ARMH1: variants seen among roughly 807,000 people sequenced by gnomAD.
ARMH1 encodes the protein armadillo-like helical domain containing protein 1.
Under a neutral mutation model 50.2 loss-of-function variants are expected in ARMH1, and 34 were observed. That is an observed-to-expected ratio of 0.68 (90% CI 0.51 to 0.90). ARMH1 has a LOEUF of 0.90. Among genes scored for constraint, ARMH1 ranks in the 40% least tolerant of loss-of-function variants. ARMH1 has a pLI of 0.00. For synonymous variants in ARMH1, 221 were observed against 224.2 expected, an observed-to-expected ratio of 0.99 and a Z score of 0.13; for missense variants, 538 against 553.9, an observed-to-expected ratio of 0.97 and a Z score of 0.29.
chr1:44,689,623 G>C, intron 1 of ARMH1, 53 bp from the exon 2 acceptor site: 2 of 1,355,368 alleles, frequency 1.5e-6, no homozygotes. Context: ...AAATAATGGA[G>C]TTGCATGATT....
chr1:44,724,072 G>A lies in ARMH1; in HGVS notation c.725-50G>A, dbSNP rs544735608. ...GGTTCACGGGGTTCTTTGCTTCCTC[G>A]GTGGCGGAGGGGCCTGGGGCCTCTC... On this transcript the variant is annotated intron_variant, in intron 6 of 11. Transcript: ENST00000535358. The surrounding 1 kb of genome is among the most constrained non-coding windows in gnomAD (Gnocchi z 6.4). 7 of 1,527,980 alleles carry A rather than the reference G, an allele frequency of 4.6e-6. No individual in the cohort carries two copies. In the African/African-American group the frequency reaches 5.5e-5, roughly 12 times the overall value. The allele number at this position is 1,527,980 out of a possible 1,614,324, so 94.7% of individuals were successfully genotyped here. A position where few individuals can be genotyped will look rare whatever the true frequency, so the allele number is the denominator to read the frequency against.
chr1:44,695,452 T>C (rs1340968740), intron 2 of ARMH1, among the ~76,000 whole-genome samples: 2 of 152,188 alleles, frequency 1.3e-5, no homozygotes, highest in Admixed American at 1.3e-4. Flanking sequence ...TGGAACTAAT[T>C]CCTGGAAATA....
intron 2 of ARMH1, among the ~76,000 whole-genome samples, chr1:44,690,747 C>T (rs1007130408): frequency 2.0e-5 from 3 of 152,086 alleles, no homozygotes; most frequent in African/African-American, 7.2e-5. Flanking sequence ...GGCACAATCT[C>T]AGCTCACCGC....
Position 44,725,200 on chromosome 1 carries a change from C to T in ARMH1, c.1193C>T (p.Thr398Ile). The change falls in exon 11 of 12, where the codon ACA becomes ATA. Residue 398 changes from threonine to isoleucine, a missense_variant. By Grantham distance (89) the Thr-to-Ile change is moderately conservative. Transcript: ENST00000535358. The stretch of plus-strand genomic sequence containing the variant: ...CAGGCGGACATCTTGGCGGCCAACA[C>T]AGTCAATGTTACCAAAGGTGAGTGT... The part of the protein sequence containing the change: ...SIQADILAAN[T>I]VNVTKALCLH... 8 of 1,552,006 alleles carry T rather than the reference C, an allele frequency of 5.2e-6. No homozygotes were observed. Among genetic ancestry groups the T allele is most frequent in the Non-Finnish European group, 7.0e-6 (8 of 1,147,046 alleles).
At chr1:44,676,381 T>A (rs1267999200) in intron 1 of ARMH1, among the ~76,000 whole-genome samples, 1 of 152,126 alleles carries the variant, frequency 6.6e-6, no homozygotes, top group African/African-American at 2.4e-5. Flanking sequence ...CTATGGGGCC[T>A]TATAGATGCC....
At chr1:44,705,124 C>T (rs1242678742) in intron 6 of ARMH1, among the ~76,000 whole-genome samples, 6 of 151,428 alleles carry the variant, frequency 4.0e-5, no homozygotes, top group South Asian at 2.1e-4. Flanking sequence ...CATGAGCCAC[C>T]GCACCCGGCC....
intron 6 of ARMH1, among the ~76,000 whole-genome samples, chr1:44,712,666 T>TAC (rs1162154170): frequency 6.6e-6 from 1 of 151,742 alleles, no homozygotes; most frequent in African/African-American, 2.4e-5. Flanking sequence ...TTCTTCTTTT[T>TAC]TCTTTTTTTT....
chr1:44,720,895 G>A (rs12735728), intron 6 of ARMH1, among the ~76,000 whole-genome samples: 33,919 of 151,870 alleles, frequency 0.22, 4,291 homozygotes, highest in African/African-American at 0.33. Context: ...AAATTAGCCA[G>A]GCGTGGTGGT....
intron 6 of ARMH1, chr1:44,721,637 G>C (rs905507591): frequency 6.6e-6 from 1 of 152,178 alleles, no homozygotes; most frequent in East Asian, 1.9e-4. Flanking sequence ...GCTGAGGTGG[G>C]AGGATTGCTT....
At chr1:44,710,340 T>C (rs1310159220) in intron 6 of ARMH1, among the ~76,000 whole-genome samples, 1 of 152,150 alleles carries the variant, frequency 6.6e-6, no homozygotes, top group Non-Finnish European at 1.5e-5. Context: ...CCGGGCATGG[T>C]GGCTCACACC....
intron 6 of ARMH1, among the ~76,000 whole-genome samples, chr1:44,705,019 T>C (rs945979976): frequency 5.1e-4 from 77 of 151,074 alleles, no homozygotes; most frequent in African/African-American, 1.8e-3. Context: ...TATTTTTTAG[T>C]GGAGACGAGG....
At chr1:44,692,451 CT>C (rs1645688797) in intron 2 of ARMH1, among the ~76,000 whole-genome samples, 1 of 152,104 alleles carries the variant, frequency 6.6e-6, no homozygotes, top group Non-Finnish European at 1.5e-5. Flanking sequence ...TAATATCTCT[CT>C]TTCCCCCCAC....
intron 6 of ARMH1, among the ~76,000 whole-genome samples, chr1:44,711,601 C>A (rs1167802743): frequency 6.6e-6 from 1 of 152,150 alleles, no homozygotes; most frequent in Non-Finnish European, 1.5e-5. Context: ...TCTGTAGGTT[C>A]TTTTCACCTT....
At chr1:44,709,458 G>A (rs183884576) in intron 6 of ARMH1, among the ~76,000 whole-genome samples, 4 of 152,256 alleles carry the variant, frequency 2.6e-5, no homozygotes, top group East Asian at 3.9e-4. Context: ...GGATCACGAG[G>A]TCAGGAGATC....
At chr1:44,693,985 C>T (rs112377517) in intron 2 of ARMH1, among the ~76,000 whole-genome samples, 7 of 152,162 alleles carry the variant, frequency 4.6e-5, no homozygotes, top group African/African-American at 1.4e-4. Flanking sequence ...CACTCCAATC[C>T]CCCACTTAAA....
At chr1:44,697,949 T>G (rs1645883343) in intron 3 of ARMH1, 114 bp from the exon 4 acceptor site, 1 of 736,770 alleles carries the variant, frequency 1.4e-6, no homozygotes, top group Non-Finnish European at 2.1e-6. Flanking sequence ...CTATGGACAT[T>G]TCCTGGATAG....
Position 44,681,518 on chromosome 1 carries a change from A to G in ARMH1, c.-23+6645A>G, listed in dbSNP as rs572662038. Among the ~76,000 whole-genome samples, 39 of 152,248 alleles carry G rather than the reference A, an allele frequency of 2.6e-4. 1 individual carries two copies. The South Asian group carries it at 7.5e-3, about 29-fold the overall frequency. ...AATAAATAATAATAAAGATAGGTAA[A>G]AATCAAGGCTAACAAGAAAAATGCC... is the stretch of plus-strand genomic sequence containing the variant. On this transcript the variant is annotated intron_variant, in intron 1 of 11. Coordinates refer to ENST00000535358, the MANE Select transcript of ARMH1 (RefSeq NM_001145636.2). The surrounding 1 kb of genome is among the most constrained non-coding windows in gnomAD (Gnocchi z 4.3).
At chr1:44,720,656 G>A (rs1219003119) in intron 6 of ARMH1, among the ~76,000 whole-genome samples, 1 of 152,190 alleles carries the variant, frequency 6.6e-6, no homozygotes, top group African/African-American at 2.4e-5. Flanking sequence ...GAAGAGTGAA[G>A]GCAGAGGAGA....
chr1:44,680,240 G>T (rs1362329893), intron 1 of ARMH1, among the ~76,000 whole-genome samples: 2 of 152,158 alleles, frequency 1.3e-5, no homozygotes, highest in African/African-American at 4.8e-5. Context: ...TCAGTGGCAC[G>T]GTCTTGGCTC....
Sources: allele counts gnomAD v4.1 joint callset (sites outside exome capture counted in the v4.1 genomes callset), GRCh38; gene constraint gnomAD v4.1.1; non-coding constraint Gnocchi (gnomAD v3.1); transcripts MANE v1.5; gene names NCBI Gene and HGNC (gene_info 2026-07-23, HGNC 2026-07-21).